The following CDH26 variants were observed in gnomAD, a reference collection of about 807,000 sequenced individuals.
The protein encoded by CDH26 is cadherin 26, also known as cadherin-like protein 26.
In CDH26, 83 loss-of-function variants were observed where a neutral mutation model predicts 90.3. The observed-to-expected ratio is 0.92, with a 90% CI of 0.77 to 1.10. The LOEUF is 1.10. Ranked by LOEUF, CDH26 falls within the 50% of genes least tolerant of loss-of-function variation. The pLI, the probability that CDH26 is intolerant of heterozygous loss-of-function variation, is 0.00. For missense variants in CDH26, 1,013 were observed against 1,037.6 expected (o/e 0.98, Z 0.33); for synonymous variants, 397 against 396.3 (o/e 1.00, Z -0.02).
chr20:60,010,441 G>A (rs2061820161), intron 17 of CDH26, among the ~76,000 whole-genome samples: 1 of 152,108 alleles, frequency 6.6e-6, no homozygotes, highest in Admixed American at 6.5e-5. Flanking sequence ...ACTGGCGCTG[G>A]GTTCAGATAG....
At chr20:60,004,387 G>A (rs2061714838) in intron 16 of CDH26, among the ~76,000 whole-genome samples, 2 of 152,106 alleles carry the variant, frequency 1.3e-5, no homozygotes, top group African/African-American at 4.8e-5. Flanking sequence ...TCTTGGTGTA[G>A]CCTGTTGCTT....
chr20:60,003,747 A>G (rs925179408), intron 16 of CDH26, among the ~76,000 whole-genome samples: 3 of 152,238 alleles, frequency 2.0e-5, no homozygotes, highest in Admixed American at 6.5e-5. Context: ...TAAATTTCAA[A>G]TACTCTAGCT....
At chr20:59,985,589 C>T (rs1464958971) in intron 7 of CDH26, among the ~76,000 whole-genome samples, 6 of 152,136 alleles carry the variant, frequency 3.9e-5, no homozygotes. Context: ...AAACACTTCC[C>T]ACCAGGCCCC....
downstream of CDH26, among the ~76,000 whole-genome samples, chr20:60,016,898 G>T (rs1163760264): frequency 2.6e-5 from 4 of 152,012 alleles, no homozygotes; most frequent in African/African-American, 9.7e-5. Flanking sequence ...CCTTCATTTT[G>T]TTGATGTGAT....
At position 59,958,457 on chromosome 20, in the gene CDH26, G is replaced by A. The variant is rs888845700; in HGVS notation, c.-270G>A. ...TTTGTGTACGTGCAGGACCATGGTG[G>A]CTTTAGTTTCTACCCCACCCTTCCT... On this transcript the variant is annotated 5_prime_UTR_variant, in exon 1 of 18. Coordinates refer to ENST00000348616, the MANE Select transcript of CDH26 (RefSeq NM_177980.4). The A allele has an allele frequency of 1.4e-5, 6 of 435,028 alleles. No individual in the cohort carries two copies. The highest frequency in any genetic ancestry group is 4.0e-5 in the Admixed American group (1 of 25,314). The allele number at this position is 435,028 out of a possible 1,614,324, so 26.9% of individuals were successfully genotyped here. A position where few individuals can be genotyped will look rare whatever the true frequency, so the allele number is the denominator to read the frequency against.
chr20:59,995,419 C>A (rs983523986), intron 11 of CDH26, among the ~76,000 whole-genome samples: 1 of 152,204 alleles, frequency 6.6e-6, no homozygotes, highest in African/African-American at 2.4e-5. Flanking sequence ...ACGTCCCTGA[C>A]TGCAGCATCC....
At chr20:60,033,672 G>C (rs1177696674) in exon 9 of CDH26, 1 of 1,304,266 alleles carries the variant, frequency 7.7e-7, no homozygotes, top group Non-Finnish European at 1.0e-6. Flanking sequence ...GCTGTCTCAG[G>C]CTGAGCAGAG....
downstream of CDH26, among the ~76,000 whole-genome samples, chr20:60,018,381 T>C (rs2061923040): frequency 6.6e-6 from 1 of 152,126 alleles, no homozygotes; most frequent in South Asian, 2.1e-4. Context: ...TTTACAGCAT[T>C]TGACTTTAAA....
At chr20:60,033,663 C>G (rs1235755819) in exon 9 of CDH26, 2 of 1,304,136 alleles carry the variant, frequency 1.5e-6, no homozygotes, top group East Asian at 5.5e-5. Flanking sequence ...AATTGCAGGG[C>G]TGTCTCAGGC....
At chr20:60,020,968 C>A (rs562227117) in intron 7 of CDH26, among the ~76,000 whole-genome samples, 3 of 152,140 alleles carry the variant, frequency 2.0e-5, no homozygotes, top group Non-Finnish European at 4.4e-5. Flanking sequence ...CAGATCCAGG[C>A]AGGGGAGATG....
downstream of CDH26, among the ~76,000 whole-genome samples, chr20:60,034,924 G>T (rs2062072131): frequency 6.6e-6 from 1 of 152,224 alleles, no homozygotes; most frequent in Admixed American, 6.5e-5. Flanking sequence ...AGCTCCAACA[G>T]CTCAGAGCTG....
intron 4 of CDH26, among the ~76,000 whole-genome samples, chr20:59,979,598 G>A (rs1314317036): frequency 4.1e-5 from 4 of 98,076 alleles, no homozygotes; most frequent in Non-Finnish European, 8.1e-5. Flanking sequence ...AAGCTGCTAT[G>A]CACTTTTTTT....
chr20:60,031,621 T>C (rs2062040494), intron 8 of CDH26, among the ~76,000 whole-genome samples: 1 of 152,214 alleles, frequency 6.6e-6, no homozygotes, highest in Non-Finnish European at 1.5e-5. Flanking sequence ...GAGCAGTTGA[T>C]GTATTTTGTT....
At position 59,988,981 on chromosome 20, in the gene CDH26, G is replaced by A; in HGVS notation, c.1101G>A (p.Glu367=). Residue 367 remains glutamate (E), a synonymous_variant, in exon 9 of 18, where the codon GAG becomes GAA. Coordinates refer to ENST00000348616, the MANE Select transcript of CDH26 (RefSeq NM_177980.4). The part of the protein sequence containing the change: ...VENEERLVFC[E]RGKLQPPRKA... ...ATGAGGAGAGGCTCGTCTTCTGTGA[G>A]AGAGGAAAGCTTCAGCCGCCAAGGA... 6.2e-7 allele frequency: 1 copy of A among 1,614,196 alleles called. No homozygotes were observed. The highest frequency in any genetic ancestry group is 1.1e-5 in the South Asian group (1 of 91,084).
chr20:60,034,168 G>T (rs1247451397), downstream of CDH26, among the ~76,000 whole-genome samples: 1 of 152,160 alleles, frequency 6.6e-6, no homozygotes, highest in African/African-American at 2.4e-5. Context: ...CAGGAACCCT[G>T]GGACAGAGAG....
intron 7 of CDH26, among the ~76,000 whole-genome samples, chr20:60,026,023 C>T (rs1274461392): frequency 6.6e-6 from 1 of 152,120 alleles, no homozygotes; most frequent in Non-Finnish European, 1.5e-5. Flanking sequence ...TCTCAGAGCC[C>T]AGAGCCAGGC....
intron 12 of CDH26, 44 bp downstream of exon 12, chr20:59,996,098 C>T (rs1384918165): frequency 2.5e-6 from 4 of 1,583,462 alleles, no homozygotes; most frequent in Non-Finnish European, 2.6e-6. Flanking sequence ...GCTCCTCTCC[C>T]CAGGCAATAG....
intron 7 of CDH26, among the ~76,000 whole-genome samples, chr20:60,026,932 A>AG (rs1710187082): frequency 6.6e-6 from 1 of 152,230 alleles, no homozygotes; most frequent in South Asian, 2.1e-4. Context: ...GAACAGCATA[A>AG]GTGCTCATTA....
At chr20:60,028,844 G>A (rs182644640) in intron 7 of CDH26, among the ~76,000 whole-genome samples, 1 of 152,300 alleles carries the variant, frequency 6.6e-6, no homozygotes, top group Admixed American at 6.5e-5. Context: ...TATATTCAAA[G>A]AATAGAAATC....
Sources: allele counts gnomAD v4.1 joint callset (sites outside exome capture counted in the v4.1 genomes callset), GRCh38; gene constraint gnomAD v4.1.1; transcripts MANE v1.5; gene names NCBI Gene and HGNC (gene_info 2026-07-23, HGNC 2026-07-21).